ORC5: variants seen among roughly 807,000 people sequenced by gnomAD.
The protein encoded by ORC5 is protein phosphatase 1, regulatory subunit 117.
Under a neutral mutation model 58.8 loss-of-function variants are expected in ORC5, and 39 were observed. The ratio of observed to expected loss-of-function variants is 0.66; its 90% CI spans 0.51 to 0.87. ORC5 has a LOEUF of 0.87. Among genes scored for constraint, ORC5 ranks in the 40% least tolerant of loss-of-function variants. The pLI is 0.00. For missense variants in ORC5, 493 were observed against 506.3 expected, an observed-to-expected ratio of 0.97 and a Z score of 0.25; for synonymous variants, 218 against 177.6, an observed-to-expected ratio of 1.23 and a Z score of -1.81.
At chr7:104,206,821 C>T (rs1027424717) in intron 1 of ORC5, among the ~76,000 whole-genome samples, 11 of 152,298 alleles carry the variant, frequency 7.2e-5, no homozygotes, top group Middle Eastern at 3.4e-3. Flanking sequence ...GCAGACTTAT[C>T]ACTGTGTTAC....
chr7:104,196,221 A>T (rs1252439114), intron 4 of ORC5, among the ~76,000 whole-genome samples: 1 of 152,202 alleles, frequency 6.6e-6, no homozygotes, highest in East Asian at 1.9e-4. Context: ...AAACAGGGTG[A>T]TCTACACTGA....
intron 4 of ORC5, among the ~76,000 whole-genome samples, chr7:104,197,016 T>G (rs1799815192): frequency 6.6e-6 from 1 of 152,212 alleles, no homozygotes. Flanking sequence ...CACAAATGCC[T>G]AGTAAGTCCG....
In ORC5 at chr7:104,207,218, C is replaced by T. The variant is rs1167422355; in HGVS notation, c.72+615G>A. ...ATAGGTTAAATTTTGAATTGGTGAA[C>T]GCTACCCTCTGCCTATTGAAAGGAC... On this transcript the variant is annotated intron_variant, in intron 1 of 13. Coordinates refer to ENST00000297431, the MANE Select transcript of ORC5 (RefSeq NM_002553.4). Among the ~76,000 whole-genome samples, 6 of 148,250 alleles carry T rather than the reference C, an allele frequency of 4.0e-5. No individual in the cohort carries two copies. In the East Asian group the frequency reaches 8.0e-4, roughly 20 times the overall value.
In ORC5 at chr7:104,207,919, C is replaced by T. The variant is rs1209087573; in HGVS notation, c.-15G>A. On this transcript the variant is annotated 5_prime_UTR_variant, in exon 1 of 14. The change creates a new upstream start codon in the 5' untranslated region. Coordinates refer to ENST00000297431, the MANE Select transcript of ORC5 (RefSeq NM_002553.4). ...AAGTGGGGCATTCTGGCAGGCACCA[C>T]CGCAGAGGCCAGTGCAGCCAGCCCA... 6.2e-7 allele frequency: 1 copy of T among 1,613,382 alleles called. No homozygotes were observed. The highest frequency in any genetic ancestry group is 8.5e-7 in the Non-Finnish European group (1 of 1,179,464).
chr7:104,159,601 A>ATGTG (rs1798990537), intron 12 of ORC5, among the ~76,000 whole-genome samples: 1 of 151,782 alleles, frequency 6.6e-6, no homozygotes, highest in African/African-American at 2.4e-5. Context: ...AAAAACATGT[A>ATGTG]CTATCCTTCA....
chr7:104,187,733 T>G, intron 6 of ORC5: 2 of 961,954 alleles, frequency 2.1e-6, no homozygotes, highest in Non-Finnish European at 2.5e-6. Context: ...AAAAAAAAAT[T>G]AAAAAGAACC....
In ORC5 at chr7:104,166,844, A is replaced by G. The variant is rs377406958; in HGVS notation, c.918T>C (p.Ser306=). ...AHTHVELPYY[S]KFILIAAYLA... is the part of the protein sequence containing the mutation. ...GGTATGCAGCAATTAGAATGAACTTAGAGTAATATGGAAGTTCCACATGAG... is the reference window on the plus strand; with the variant it reads ...GGTATGCAGCAATTAGAATGAACTTGGAGTAATATGGAAGTTCCACATGAG... Residue 306 remains serine (S), a synonymous_variant, in exon 10 of 14, where the codon TCT becomes TCC. Coordinates refer to ENST00000297431, the MANE Select transcript of ORC5 (RefSeq NM_002553.4). 2 of 1,612,218 alleles carry G rather than the reference A, an allele frequency of 1.2e-6. No homozygotes were observed. Among genetic ancestry groups the G allele is most frequent in the Non-Finnish European group, 1.7e-6 (2 of 1,178,452 alleles).
chr7:104,148,235 A>T (rs1423598707), intron 12 of ORC5, among the ~76,000 whole-genome samples: 1 of 152,218 alleles, frequency 6.6e-6, no homozygotes, highest in African/African-American at 2.4e-5. Flanking sequence ...CGAAGTTAAC[A>T]GTGGTTAAGA....
At chr7:104,172,300 A>C (rs939772944) in intron 8 of ORC5, among the ~76,000 whole-genome samples, 2 of 152,242 alleles carry the variant, frequency 1.3e-5, no homozygotes, top group Non-Finnish European at 2.9e-5. Flanking sequence ...TCATTTTAAC[A>C]AGCAAACAAG....
chr7:104,177,153 GA>G (rs1366185654), intron 8 of ORC5, among the ~76,000 whole-genome samples: 1 of 152,150 alleles, frequency 6.6e-6, no homozygotes, highest in Non-Finnish European at 1.5e-5. Flanking sequence ...GTTTTCGTAA[GA>G]AATCTACTTA....
At chr7:104,177,470 G>A (rs957615897) in intron 8 of ORC5, among the ~76,000 whole-genome samples, 12 of 152,026 alleles carry the variant, frequency 7.9e-5, no homozygotes, top group Admixed American at 7.2e-4. Context: ...TAGAAATTGA[G>A]GTTACTAAAA....
chr7:104,166,784 C>T lies in ORC5; in HGVS notation c.978G>A (p.Arg326=), dbSNP rs1204715726. ...ASYNPARTDK[R]FFLKHHGKIK... is the part of the protein sequence containing the mutation. ...ATGTTATTATTACCTTAAGAAAAAA[C>T]CTCTTGTCAGTTCTTGCTGGATTGT... The change falls in exon 10 of 14, where the codon AGG becomes AGA. Residue 326 remains arginine (R), a synonymous_variant. Coordinates refer to ENST00000297431, the MANE Select transcript of ORC5 (RefSeq NM_002553.4). The T allele has an allele frequency of 5.1e-6, 8 of 1,578,416 alleles. No individual in the cohort carries two copies. The highest frequency in any genetic ancestry group is 1.7e-4 in the Middle Eastern group (1 of 5,954).
At chr7:104,128,753 C>A (rs1436390009) in intron 13 of ORC5, among the ~76,000 whole-genome samples, 1 of 145,852 alleles carries the variant, frequency 6.9e-6, no homozygotes, top group Non-Finnish European at 1.5e-5. Context: ...TCAGTTCCCA[C>A]CTATAGACTA....
intron 3 of ORC5, among the ~76,000 whole-genome samples, chr7:104,200,175 ATGTCTTCAGAGTAACCAGGCATATT>A (rs962638101): frequency 2.0e-5 from 3 of 152,176 alleles, no homozygotes. Flanking sequence ...TCATTTTAAC[ATGTCTTCAGAGTAACCAGGCATATT>A]TGTTGCTCTA....
chr7:104,159,444 T>A (rs957352252), intron 12 of ORC5, among the ~76,000 whole-genome samples: 7 of 149,734 alleles, frequency 4.7e-5, no homozygotes, highest in Admixed American at 3.3e-4. Context: ...AACCTGCACA[T>A]TGTGCACATG....
chr7:104,154,183 A>C (rs974344872), intron 12 of ORC5, among the ~76,000 whole-genome samples: 2 of 152,074 alleles, frequency 1.3e-5, no homozygotes, highest in African/African-American at 4.8e-5. Flanking sequence ...CTTCTCCATA[A>C]CTTAAGTTCC....
chr7:104,143,506 G>A (rs1798706835), intron 12 of ORC5, among the ~76,000 whole-genome samples: 1 of 152,116 alleles, frequency 6.6e-6, no homozygotes, highest in Admixed American at 6.5e-5. Flanking sequence ...AATTAATCAT[G>A]TAAATTGTGC....
chr7:104,185,743 G>C (rs889877604), intron 6 of ORC5, among the ~76,000 whole-genome samples: 2 of 151,946 alleles, frequency 1.3e-5, no homozygotes, highest in Non-Finnish European at 2.9e-5. Flanking sequence ...GAATTCTACT[G>C]AACAGCAGTT....
rs1246301481 is a variant in ORC5 at position 104,204,136 on chromosome 7, T to A, written c.165+6A>T. 19 of 1,457,916 alleles carry A rather than the reference T, an allele frequency of 1.3e-5. No homozygotes were observed. The highest frequency in any genetic ancestry group is 1.7e-5 in the Non-Finnish European group (18 of 1,054,108). The allele number at this position is 1,457,916 out of a possible 1,614,324, so 90.3% of individuals were successfully genotyped here. ...GCAAAGAAATATTTAATATTTTTAT[T>A]CTTACCTCTAAAGTTTTCAACAACG... is the stretch of plus-strand genomic sequence containing the variant. On this transcript the variant is annotated splice_donor_region_variant and intron_variant, in intron 2 of 13. Coordinates refer to ENST00000297431, the MANE Select transcript of ORC5 (RefSeq NM_002553.4).
Sources: gnomAD v4.1 joint callset for allele counts (sites outside exome capture counted in the v4.1 genomes callset) on GRCh38, gnomAD v4.1.1 for gene constraint, MANE v1.5 for transcripts, NCBI Gene and HGNC (gene_info 2026-07-23, HGNC 2026-07-21) for gene names.